Variants in CCDC28A observed in about 807,000 individuals in gnomAD.
The protein encoded by CCDC28A is coiled-coil domain containing 28A, also known as coiled-coil domain-containing protein 28A.
In CCDC28A, 24 loss-of-function variants were observed where a neutral mutation model predicts 22.1. The observed-to-expected ratio is 1.09, with a 90% CI of 0.79 to 1.53. The LOEUF (loss-of-function observed/expected upper bound fraction) is 1.53. Among genes scored for constraint, CCDC28A ranks in the 40% most tolerant of loss-of-function variants. The probability of loss-of-function intolerance (pLI) is 0.00; values close to 1 mark genes in which losing one functional copy is unlikely to be tolerated. For synonymous variants in CCDC28A, 83 were observed against 74.7 expected (o/e 1.11, Z -0.57); for missense variants, 170 against 210.7 (o/e 0.81, Z 1.20).
chr6:138,777,820 A>T (rs1774957869), intron 2 of CCDC28A, among the ~76,000 whole-genome samples: 1 of 152,206 alleles, frequency 6.6e-6, no homozygotes, highest in South Asian at 2.1e-4. Flanking sequence ...TCCAAATTTG[A>T]GAGGAAAAAA....
chr6:138,789,557 G>C lies in CCDC28A; in HGVS notation c.500+1169G>C, dbSNP rs141374894. 1.2e-3 allele frequency among the ~76,000 whole-genome samples: 189 copies of C among 152,332 alleles called. 4 individuals carry two copies. In the East Asian group the frequency reaches 0.031, roughly 25 times the overall value. The stretch of plus-strand genomic sequence containing the variant: ...TAAGAAATTGGGGCCTGGCACGGTG[G>C]CTCATGCCTGTAATCCCAGCACTGT... On this transcript the variant is annotated intron_variant, in intron 5 of 5. Coordinates refer to ENST00000617445, the MANE Select transcript of CCDC28A (RefSeq NM_015439.3).
At chr6:138,783,717 C>T (rs1374622112) in intron 3 of CCDC28A, among the ~76,000 whole-genome samples, 2 of 151,910 alleles carry the variant, frequency 1.3e-5, no homozygotes, top group South Asian at 2.1e-4. Context: ...GGATTACAGG[C>T]GTGAGCCACC....
At chr6:138,780,489 G>T (rs1468296214) in intron 3 of CCDC28A, among the ~76,000 whole-genome samples, 2 of 151,918 alleles carry the variant, frequency 1.3e-5, no homozygotes, top group Admixed American at 1.3e-4. Context: ...CGTAGTCACA[G>T]AGTTCACAAA....
intron 5 of CCDC28A, among the ~76,000 whole-genome samples, 189 bp downstream of exon 5, chr6:138,788,577 T>G (rs971858665): frequency 1.3e-5 from 1 of 78,616 alleles, no homozygotes; most frequent in African/African-American, 3.7e-5. Flanking sequence ...TCTTTTTTTT[T>G]TTTTTTTTTT....
intron 2 of CCDC28A, among the ~76,000 whole-genome samples, chr6:138,777,148 T>A (rs950097975): frequency 2.0e-5 from 3 of 152,188 alleles, no homozygotes; most frequent in Non-Finnish European, 2.9e-5. Flanking sequence ...TTAAATAAAT[T>A]TACTCTCACA....
intron 2 of CCDC28A, among the ~76,000 whole-genome samples, chr6:138,778,175 C>T (rs1774964293): frequency 6.6e-6 from 1 of 152,126 alleles, no homozygotes; most frequent in South Asian, 2.1e-4. Context: ...TTTCCCTGGG[C>T]ATATATATAC....
intron 4 of CCDC28A, 72 bp downstream of exon 4, chr6:138,785,453 T>C (rs770794674): frequency 2.9e-4 from 324 of 1,114,074 alleles, no homozygotes; most frequent in Non-Finnish European, 3.8e-4. Flanking sequence ...TTTTGAACTA[T>C]TTTAATGTAT....
At chr6:138,791,793 G>A (rs1775174379) in intron 5 of CCDC28A, among the ~76,000 whole-genome samples, 1 of 152,186 alleles carries the variant, frequency 6.6e-6, no homozygotes, top group Non-Finnish European at 1.5e-5. Context: ...ATTTTTACAT[G>A]TGTTAAATCT....
At chr6:138,788,118 G>A (rs999258273) in intron 4 of CCDC28A, among the ~76,000 whole-genome samples, 3 of 150,928 alleles carry the variant, frequency 2.0e-5, no homozygotes, top group South Asian at 4.2e-4. Context: ...GCGTCACCAC[G>A]CCTGTCTAAT....
chr6:138,776,187 A>G lies in CCDC28A; in HGVS notation c.67A>G (p.Asn23Asp), dbSNP rs1032355479. 1 of 1,614,016 alleles carries G rather than the reference A, an allele frequency of 6.2e-7. No homozygotes were observed. The highest frequency in any genetic ancestry group is 8.5e-7 in the Non-Finnish European group (1 of 1,179,982). ...TAGTGCCCACTGTACTCAGGTTGTC[A>G]ATGCCAAAAAAAATGCCATTCCAGT... ...SFSAHCTQVVNAKKNAIPVSK... is the reference protein window; with the variant it reads ...SFSAHCTQVVDAKKNAIPVSK... Residue 23 changes from asparagine to aspartate, a missense_variant, in exon 2 of 6, where the codon AAT (asparagine) becomes GAT (aspartate). By Grantham distance (23) the Asn-to-Asp change is conservative. Coordinates refer to ENST00000617445, the MANE Select transcript of CCDC28A (RefSeq NM_015439.3).
rs1488418154 is a variant in CCDC28A, at chr6:138,785,280, T to C, written c.376T>C (p.Leu126=). 3 of 1,613,674 alleles carry C rather than the reference T, an allele frequency of 1.9e-6. No homozygotes were observed. Among genetic ancestry groups the C allele is most frequent in the East Asian group, 2.2e-5 (1 of 44,872 alleles). Residue 126 remains leucine, a synonymous_variant, in exon 4 of 6, where the codon TTA becomes CTA. Coordinates refer to ENST00000617445, the MANE Select transcript of CCDC28A (RefSeq NM_015439.3). ...MEHVRGMQEK[L]ARLNLELYGE... Reference sequence around the variant, plus strand: ...ACATGTTCGGGGAATGCAGGAGAAATTAGCTCGCTTGAATTTGGAGCTCTA... The same window carrying C: ...ACATGTTCGGGGAATGCAGGAGAAACTAGCTCGCTTGAATTTGGAGCTCTA...
In CCDC28A at chr6:138,778,408, C is replaced by T. The variant is rs569424521; in HGVS notation, c.159-1414C>T. 7.2e-5 allele frequency among the ~76,000 whole-genome samples: 11 copies of T among 152,292 alleles called. No homozygotes were observed. The South Asian group carries it at 1.7e-3, about 23-fold the overall frequency. The stretch of plus-strand genomic sequence containing the variant: ...AGGAAGCCTTCTCTGGTTGGTCCCA[C>T]GCTGAACGAACTGCTTCTCTCTCTT... On this transcript the variant is annotated intron_variant, in intron 2 of 5. Transcript: ENST00000617445.
At chr6:138,779,720 G>T in intron 2 of CCDC28A, 102 bp from the exon 3 acceptor site, 4 of 856,488 alleles carry the variant, frequency 4.7e-6, no homozygotes, top group South Asian at 4.7e-5. Flanking sequence ...GACTCTATTT[G>T]ATTTCTTGCT....
intron 5 of CCDC28A, among the ~76,000 whole-genome samples, chr6:138,791,465 C>G (rs955762374): frequency 9.2e-5 from 14 of 152,154 alleles, no homozygotes; most frequent in African/African-American, 3.4e-4. Flanking sequence ...CACTTTCTTC[C>G]TGCCATTTCT....
intron 3 of CCDC28A, among the ~76,000 whole-genome samples, chr6:138,784,363 T>TTTTTG (rs1373865017): frequency 2.0e-5 from 3 of 151,014 alleles, no homozygotes; most frequent in Non-Finnish European, 4.4e-5. Context: ...CTTTTTTTTT[T>TTTTTG]TTTTTGAGAC....
intron 1 of CCDC28A, 125 bp downstream of exon 1, chr6:138,774,027 G>C: frequency 8.3e-7 from 1 of 1,205,360 alleles, no homozygotes; most frequent in Non-Finnish European, 1.2e-6. Flanking sequence ...AGGGGAATGA[G>C]GTGATGTCAA....
At chr6:138,792,342 A>C (rs1418976929) in intron 5 of CCDC28A, among the ~76,000 whole-genome samples, 5 of 152,102 alleles carry the variant, frequency 3.3e-5, no homozygotes, top group African/African-American at 4.8e-5. Context: ...CAGCCTGGGC[A>C]ACATAGCCAG....
chr6:138,774,249 A>G (rs1041559984), intron 1 of CCDC28A, among the ~76,000 whole-genome samples: 1 of 152,248 alleles, frequency 6.6e-6, no homozygotes, highest in Non-Finnish European at 1.5e-5. Context: ...ATTGTGGTTT[A>G]GACCACCACT....
intron 2 of CCDC28A, among the ~76,000 whole-genome samples, chr6:138,778,670 C>G (rs983218369): frequency 6.6e-6 from 1 of 151,784 alleles, no homozygotes; most frequent in Non-Finnish European, 1.5e-5. Flanking sequence ...TAATGGATTT[C>G]TAGGAAACGA....
Sources: allele counts gnomAD v4.1 joint callset (sites outside exome capture counted in the v4.1 genomes callset), GRCh38; gene constraint gnomAD v4.1.1; transcripts MANE v1.5; gene names NCBI Gene and HGNC (gene_info 2026-07-23, HGNC 2026-07-21).